The following LRFN5 variants were observed in gnomAD, a reference collection of about 807,000 sequenced individuals.
LRFN5 encodes the protein leucine rich repeat and fibronectin type III domain containing 5, also known as leucine-rich repeat and fibronectin type-III domain-containing protein 5.
In LRFN5, 24 loss-of-function variants were observed where a neutral mutation model predicts 45.6. The ratio of observed to expected loss-of-function variants is 0.53; its 90% CI spans 0.38 to 0.74. The LOEUF (loss-of-function observed/expected upper bound fraction) is 0.74. LRFN5 is among the 30% of genes least tolerant of loss of function. LRFN5 has a pLI of 0.00. For missense variants in LRFN5, 776 were observed against 861.5 expected, an observed-to-expected ratio of 0.90 and a Z score of 1.24; for synonymous variants, 340 against 313.8, an observed-to-expected ratio of 1.08 and a Z score of -0.88.
In LRFN5 at chr14:41,904,332, C is replaced by A; in HGVS notation, c.*157C>A. The A allele has an allele frequency of 2.3e-6, 2 of 874,088 alleles. No individual in the cohort carries two copies. The highest frequency in any genetic ancestry group is 3.6e-6 in the Non-Finnish European group (2 of 553,704). The allele number at this position is 874,088 out of a possible 1,614,324, so 54.1% of individuals were successfully genotyped here. ...CCAAGGTGAAAGTCTCTGATGACGGCGGAACTGGCTCCATTAGACCATGGT... is the reference window on the plus strand; with the variant it reads ...CCAAGGTGAAAGTCTCTGATGACGGAGGAACTGGCTCCATTAGACCATGGT... On this transcript the variant is annotated 3_prime_UTR_variant, in exon 6 of 6. Transcript: ENST00000298119.
chr14:41,875,147 T>A (rs774439133), intron 2 of LRFN5, among the ~76,000 whole-genome samples: 3 of 152,250 alleles, frequency 2.0e-5, no homozygotes, highest in African/African-American at 7.2e-5. Context: ...ACTACTGTTT[T>A]AATTAATTGA....
intron 1 of LRFN5, among the ~76,000 whole-genome samples, chr14:41,674,204 G>C (rs1421548975): frequency 7.4e-6 from 1 of 134,800 alleles, no homozygotes; most frequent in East Asian, 2.4e-4. Context: ...GCGGGGGGCT[G>C]ACCCCCCCAC....
intron 2 of LRFN5, among the ~76,000 whole-genome samples, chr14:41,794,244 A>T (rs1203636938): frequency 6.6e-6 from 1 of 151,998 alleles, no homozygotes; most frequent in Non-Finnish European, 1.5e-5. Context: ...CTTCCTGTGT[A>T]TATGCTTTGT....
chr14:41,764,169 T>A (rs1474162569), intron 1 of LRFN5, among the ~76,000 whole-genome samples: 1 of 152,122 alleles, frequency 6.6e-6, no homozygotes, highest in Non-Finnish European at 1.5e-5. Flanking sequence ...CCTTATGGAT[T>A]TTTTTGAAAA....
chr14:41,686,105 A>G (rs1882108953), intron 1 of LRFN5, among the ~76,000 whole-genome samples: 1 of 152,048 alleles, frequency 6.6e-6, no homozygotes, highest in South Asian at 2.1e-4. Context: ...TGAGGATGGA[A>G]TATTTTTGCA....
In LRFN5 at chr14:41,891,255, T is replaced by C. The variant is rs1890769383; in HGVS notation, c.1391T>C (p.Ile464Thr). The part of the protein sequence containing the change: ...TYDDTLVYRM[I>T]PPTSKTFLVN... ...CAAATTCCATTGTCCCTCAGAATGATACCTCCTACGAGCAAAACTTTTCTG... is the reference window on the plus strand; with the variant it reads ...CAAATTCCATTGTCCCTCAGAATGACACCTCCTACGAGCAAAACTTTTCTG... Residue 464 changes from isoleucine (I) to threonine (T), a missense_variant, in exon 4 of 6, where the codon ATA becomes ACA. Coordinates refer to ENST00000298119, the MANE Select transcript of LRFN5 (RefSeq NM_152447.5). The C allele has an allele frequency of 6.2e-7, 1 of 1,612,792 alleles. No homozygotes were observed.
chr14:41,682,393 ATTAG>A (rs1031276989), intron 1 of LRFN5, among the ~76,000 whole-genome samples: 14 of 152,198 alleles, frequency 9.2e-5, no homozygotes, highest in African/African-American at 3.1e-4. Context: ...CTGTTTACTT[ATTAG>A]TTAATTTTTT....
chr14:41,812,968 A>G (rs1887786424), intron 2 of LRFN5, among the ~76,000 whole-genome samples: 1 of 152,162 alleles, frequency 6.6e-6, no homozygotes, highest in African/African-American at 2.4e-5. Context: ...CTTTCAACTG[A>G]GGAAAATAAG....
chr14:41,787,926 C>T (rs1487818635), intron 2 of LRFN5, among the ~76,000 whole-genome samples: 1 of 151,856 alleles, frequency 6.6e-6, no homozygotes, highest in East Asian at 1.9e-4. Context: ...AAGAGTGGGC[C>T]CTCCCAATGG....
intron 2 of LRFN5, among the ~76,000 whole-genome samples, chr14:41,834,553 A>G (rs554022509): frequency 6.6e-6 from 1 of 152,192 alleles, no homozygotes; most frequent in African/African-American, 2.4e-5. Flanking sequence ...TCACCTTAAC[A>G]TTCGATAAAG....
At chr14:41,625,928 G>A (rs1009417057) in intron 1 of LRFN5, among the ~76,000 whole-genome samples, 1 of 151,988 alleles carries the variant, frequency 6.6e-6, no homozygotes, top group Admixed American at 6.6e-5. Flanking sequence ...GAAAATATGT[G>A]GTTACTTAAG....
intron 5 of LRFN5, among the ~76,000 whole-genome samples, chr14:41,900,074 G>T (rs1891057821): frequency 1.3e-5 from 2 of 151,162 alleles, no homozygotes; most frequent in African/African-American, 2.4e-5. Context: ...CTCCCTCTTT[G>T]CCTCTCCTTC....
At chr14:41,757,577 T>C (rs1181384370) in intron 1 of LRFN5, among the ~76,000 whole-genome samples, 1 of 152,242 alleles carries the variant, frequency 6.6e-6, no homozygotes, top group Admixed American at 6.5e-5. Flanking sequence ...TATAATCTTC[T>C]GGTGTGCCAT....
chr14:41,750,749 G>C (rs1165329234), intron 1 of LRFN5, among the ~76,000 whole-genome samples: 1 of 152,078 alleles, frequency 6.6e-6, no homozygotes, highest in African/African-American at 2.4e-5. Flanking sequence ...TAAAATCCTG[G>C]AGTAAGGCAA....
chr14:41,839,622 C>G (rs1265280948), intron 2 of LRFN5, among the ~76,000 whole-genome samples: 2 of 152,062 alleles, frequency 1.3e-5, no homozygotes, highest in Non-Finnish European at 2.9e-5. Context: ...CATGCTCAAG[C>G]TAAATGTGAG....
At chr14:41,629,783 A>G (rs1769322397) in intron 1 of LRFN5, among the ~76,000 whole-genome samples, 1 of 152,164 alleles carries the variant, frequency 6.6e-6, no homozygotes, top group Admixed American at 6.5e-5. Flanking sequence ...CTCAAATCAT[A>G]TGTACTGGTG....
At chr14:41,885,876 C>A (rs140251719) in intron 2 of LRFN5, among the ~76,000 whole-genome samples, 2 of 151,564 alleles carry the variant, frequency 1.3e-5, no homozygotes, top group Non-Finnish European at 2.9e-5. Context: ...ATTAGCTGGG[C>A]GTGGTGTTGG....
intron 1 of LRFN5, among the ~76,000 whole-genome samples, chr14:41,722,565 GT>G (rs201341679): frequency 1.5e-3 from 219 of 145,768 alleles, no homozygotes; most frequent in Middle Eastern, 0.014. Context: ...AAAATACGGT[GT>G]TTTTTTTTTT....
Position 41,890,499 on chromosome 14 carries a change from A to C in LRFN5, c.1386-751A>C, listed in dbSNP as rs975292657. ...GAGGCGGGCGGATCATGAGGTCAGG[A>C]GATCGAGACCATCCTGGCTAACACA... On this transcript the variant is annotated intron_variant, in intron 3 of 5. Coordinates refer to ENST00000298119, the MANE Select transcript of LRFN5 (RefSeq NM_152447.5). Among the ~76,000 whole-genome samples, 6 of 151,410 alleles carry C rather than the reference A, an allele frequency of 4.0e-5. No homozygotes were observed. In the East Asian group the frequency reaches 7.9e-4, roughly 20 times the overall value.
Sources: allele counts gnomAD v4.1 joint callset (sites outside exome capture counted in the v4.1 genomes callset), GRCh38; gene constraint gnomAD v4.1.1; transcripts MANE v1.5; gene names NCBI Gene and HGNC (gene_info 2026-07-23, HGNC 2026-07-21).